The following EPHB1 variants were observed in gnomAD, a reference collection of about 807,000 sequenced individuals.
EPHB1 encodes ephrin type-B receptor 1.
In EPHB1, 30 loss-of-function variants were observed where a neutral mutation model predicts 94.4. The ratio of observed to expected loss-of-function variants is 0.32; its 90% CI spans 0.24 to 0.43. The LOEUF (loss-of-function observed/expected upper bound fraction) is 0.43, where lower values mean the gene tolerates loss of function less well. Among genes scored for constraint, EPHB1 ranks in the 20% least tolerant of loss-of-function variants. EPHB1 has a pLI of 1.00. For synonymous variants in EPHB1, 522 were observed against 489.1 expected, an observed-to-expected ratio of 1.07 and a Z score of -0.89; for missense variants, 1,055 against 1,308.3, an observed-to-expected ratio of 0.81 and a Z score of 2.99.
At chr3:134,963,793 T>C (rs2107723207) in intron 3 of EPHB1, among the ~76,000 whole-genome samples, 1 of 152,296 alleles carries the variant, frequency 6.6e-6, no homozygotes, top group Non-Finnish European at 1.5e-5. Context: ...AGCATTCCGT[T>C]TGGACTAAGA....
intron 15 of EPHB1, among the ~76,000 whole-genome samples, chr3:135,257,142 C>T (rs1933432663): frequency 6.6e-6 from 1 of 151,396 alleles, no homozygotes; most frequent in Admixed American, 6.6e-5. Context: ...AAGGTTTCAA[C>T]TTCTTTGCCT....
chr3:135,047,335 A>C (rs746982009), intron 3 of EPHB1, among the ~76,000 whole-genome samples: 2 of 152,204 alleles, frequency 1.3e-5, no homozygotes, highest in Non-Finnish European at 2.9e-5. Flanking sequence ...CAACTTTCAC[A>C]AGGAGAATGA....
chr3:134,902,665 CTG>C (rs1416970188), intron 1 of EPHB1, among the ~76,000 whole-genome samples: 1 of 152,166 alleles, frequency 6.6e-6, no homozygotes, highest in African/African-American at 2.4e-5. Context: ...GGAAGTATAA[CTG>C]TATTTCATAT....
chr3:134,822,266 G>C (rs1003333219), intron 1 of EPHB1, among the ~76,000 whole-genome samples: 1 of 152,112 alleles, frequency 6.6e-6, no homozygotes, highest in Non-Finnish European at 1.5e-5. Context: ...TGTCTGAGCG[G>C]TGACTCAGCA....
At chr3:135,180,451 G>T (rs932469595) in intron 10 of EPHB1, among the ~76,000 whole-genome samples, 1 of 152,170 alleles carries the variant, frequency 6.6e-6, no homozygotes, top group African/African-American at 2.4e-5. Flanking sequence ...AGAGACCACT[G>T]TTTCCAGAAG....
At chr3:135,094,200 C>T (rs1032814738) in intron 3 of EPHB1, among the ~76,000 whole-genome samples, 2 of 152,220 alleles carry the variant, frequency 1.3e-5, no homozygotes, top group Admixed American at 6.5e-5. Context: ...CGACATCAGC[C>T]TTGCTGGTGT....
intron 15 of EPHB1, among the ~76,000 whole-genome samples, chr3:135,254,604 G>A (rs552162283): frequency 1.3e-5 from 2 of 152,236 alleles, no homozygotes; most frequent in Admixed American, 6.5e-5. Context: ...TGTGCTGCTG[G>A]ATTCGGTTTG....
At chr3:135,017,101 A>G in intron 3 of EPHB1, among the ~76,000 whole-genome samples, 1 of 152,186 alleles carries the variant, frequency 6.6e-6, no homozygotes, top group East Asian at 1.9e-4. Flanking sequence ...GTGAATAAGT[A>G]TTTGTGATTG....
chr3:134,978,309 C>G (rs900260613), intron 3 of EPHB1, among the ~76,000 whole-genome samples: 1 of 152,124 alleles, frequency 6.6e-6, no homozygotes, highest in Non-Finnish European at 1.5e-5. Context: ...CATGGTTGCT[C>G]CAGGGATTTT....
chr3:134,811,879 C>A (rs2036186881), intron 1 of EPHB1, among the ~76,000 whole-genome samples: 1 of 152,152 alleles, frequency 6.6e-6, no homozygotes, highest in Non-Finnish European at 1.5e-5. Context: ...TCCAGGAGGC[C>A]CCCTATTGAG....
intron 12 of EPHB1, among the ~76,000 whole-genome samples, chr3:135,230,506 GGGACTAAACAA>G (rs1943508832): frequency 6.6e-6 from 1 of 152,126 alleles, no homozygotes; most frequent in Admixed American, 6.5e-5. Flanking sequence ...CCAGGCTTCA[GGGACTAAACAA>G]GGAGAGAACA....
chr3:135,195,503 G>T (rs552573187), intron 11 of EPHB1, among the ~76,000 whole-genome samples: 3 of 149,826 alleles, frequency 2.0e-5, no homozygotes, highest in South Asian at 4.2e-4. Context: ...CCCCACCACA[G>T]TCCCCAGAGT....
chr3:135,049,623 A>G (rs1937108010), intron 3 of EPHB1, among the ~76,000 whole-genome samples: 1 of 152,222 alleles, frequency 6.6e-6, no homozygotes. Context: ...AGCTTCCATT[A>G]TATTAGGTTG....
intron 3 of EPHB1, among the ~76,000 whole-genome samples, chr3:135,012,056 T>C (rs991536500): frequency 1.3e-5 from 2 of 152,210 alleles, no homozygotes; most frequent in Non-Finnish European, 2.9e-5. Flanking sequence ...GAGTCTTCTA[T>C]ATACGTAATG....
intron 1 of EPHB1, among the ~76,000 whole-genome samples, chr3:134,844,054 G>GGTTT (rs770119310): frequency 2.6e-5 from 4 of 152,146 alleles, no homozygotes; most frequent in Non-Finnish European, 5.9e-5. Flanking sequence ...TGTTGTTACT[G>GGTTT]GTTTGTTTGT....
intron 3 of EPHB1, among the ~76,000 whole-genome samples, chr3:134,972,840 CT>C (rs1229814475): frequency 3.9e-5 from 6 of 152,020 alleles, no homozygotes; most frequent in African/African-American, 1.2e-4. Context: ...AATTTGAGGC[CT>C]TTCTTGAATG....
intron 3 of EPHB1, among the ~76,000 whole-genome samples, chr3:135,065,525 G>A (rs1460559387): frequency 2.0e-5 from 3 of 152,130 alleles, no homozygotes; most frequent in African/African-American, 7.2e-5. Flanking sequence ...TGCTTTTGGT[G>A]TCAATTTGCA....
At chr3:134,850,991 G>A (rs2036970992) in intron 1 of EPHB1, among the ~76,000 whole-genome samples, 1 of 152,248 alleles carries the variant, frequency 6.6e-6, no homozygotes, top group Non-Finnish European at 1.5e-5. Flanking sequence ...GCCAGGGCCT[G>A]GACCAGGAAA....
intron 1 of EPHB1, among the ~76,000 whole-genome samples, chr3:134,846,445 C>A (rs950837030): frequency 1.3e-5 from 2 of 152,202 alleles, no homozygotes; most frequent in Non-Finnish European, 2.9e-5. Context: ...ATTCCCTCCA[C>A]GCACATCAGC....
Sources: gnomAD v4.1 joint callset for allele counts (sites outside exome capture counted in the v4.1 genomes callset) on GRCh38, gnomAD v4.1.1 for gene constraint, MANE v1.5 for transcripts, NCBI Gene and HGNC (gene_info 2026-07-23, HGNC 2026-07-21) for gene names.